Variants in SFMBT2 observed in about 807,000 individuals in gnomAD.
SFMBT2 encodes the protein Scm like with four mbt domains 2, also known as scm-like with four MBT domains protein 2.
SFMBT2 carries 38 observed loss-of-function variants against 110.1 expected under a neutral mutation model. The observed-to-expected ratio is 0.35, with a 90% CI of 0.27 to 0.45. The LOEUF (loss-of-function observed/expected upper bound fraction) is 0.45. Ranked by LOEUF, SFMBT2 falls within the 20% of genes least tolerant of loss-of-function variation. SFMBT2 has a pLI of 1.00. For synonymous variants in SFMBT2, 425 were observed against 425.4 expected (o/e 1.00, Z 0.01); for missense variants, 1,011 against 1,094.9 (o/e 0.92, Z 1.08).
chr10:7,321,383 A>G (rs1843183847), intron 4 of SFMBT2, among the ~76,000 whole-genome samples: 1 of 151,998 alleles, frequency 6.6e-6, no homozygotes, highest in Non-Finnish European at 1.5e-5. Flanking sequence ...TTGTGTTCTT[A>G]GTAGAGATGG....
At chr10:7,382,033 A>G in intron 1 of SFMBT2, 84 bp from the exon 2 acceptor site, 1 of 678,648 alleles carries the variant, frequency 1.5e-6, no homozygotes, top group Admixed American at 3.4e-5. Flanking sequence ...TTTAAAAAAA[A>G]CCTTATTAGT....
At chr10:7,269,825 CTCTT>C (rs1554796128) in intron 7 of SFMBT2, among the ~76,000 whole-genome samples, 3 of 82,440 alleles carry the variant, frequency 3.6e-5, no homozygotes, top group Non-Finnish European at 5.2e-5. Flanking sequence ...GAGAAGATTT[CTCTT>C]TTTTTTTTTT....
chr10:7,295,425 G>A (rs377407138), intron 4 of SFMBT2: 1 of 152,170 alleles, frequency 6.6e-6, no homozygotes, highest in East Asian at 1.9e-4. Flanking sequence ...GGCCACAGAC[G>A]AACTTGTGTC....
intron 4 of SFMBT2, among the ~76,000 whole-genome samples, chr10:7,343,352 C>A (rs935493031): frequency 6.6e-6 from 1 of 152,092 alleles, no homozygotes; most frequent in South Asian, 2.1e-4. Context: ...GTGGTGAACA[C>A]ACACGTGCAT....
At chr10:7,368,936 A>G (rs1158210253) in intron 3 of SFMBT2, among the ~76,000 whole-genome samples, 2 of 152,256 alleles carry the variant, frequency 1.3e-5, no homozygotes, top group African/African-American at 2.4e-5. Flanking sequence ...AAATGGAAAC[A>G]TGATCTACCT....
intron 4 of SFMBT2, among the ~76,000 whole-genome samples, chr10:7,336,367 C>G (rs1843717506): frequency 6.6e-6 from 1 of 152,200 alleles, no homozygotes; most frequent in African/African-American, 2.4e-5. Context: ...ACTCATGGGT[C>G]TTCATGGCAG....
At chr10:7,314,448 C>G (rs1408316947) in intron 4 of SFMBT2, among the ~76,000 whole-genome samples, 1 of 152,148 alleles carries the variant, frequency 6.6e-6, no homozygotes, top group Non-Finnish European at 1.5e-5. Context: ...CAAGAGATAC[C>G]CGGAAGAATG....
chr10:7,330,762 G>A (rs1320382763), intron 4 of SFMBT2, among the ~76,000 whole-genome samples: 3 of 152,040 alleles, frequency 2.0e-5, no homozygotes, highest in African/African-American at 7.2e-5. Flanking sequence ...GTCAGATGTG[G>A]TTCTTTAATT....
chr10:7,194,855 A>G (rs777334612), intron 15 of SFMBT2, among the ~76,000 whole-genome samples: 9 of 152,182 alleles, frequency 5.9e-5, no homozygotes, highest in African/African-American at 1.4e-4. Flanking sequence ...AGAATTGATC[A>G]GGGATAACCA....
At chr10:7,249,508 T>C in intron 7 of SFMBT2, 1 of 984,948 alleles carries the variant, frequency 1.0e-6, no homozygotes, top group African/African-American at 1.7e-5. Context: ...CCTGAGGAAA[T>C]AATACCTGCA....
chr10:7,336,749 T>A (rs893516076), intron 4 of SFMBT2, among the ~76,000 whole-genome samples: 1 of 152,052 alleles, frequency 6.6e-6, no homozygotes, highest in Non-Finnish European at 1.5e-5. Flanking sequence ...AGTAATCAAA[T>A]GAAAAATGTA....
At chr10:7,348,834 G>A (rs2132004418) in intron 4 of SFMBT2, among the ~76,000 whole-genome samples, 1 of 152,300 alleles carries the variant, frequency 6.6e-6, no homozygotes, top group African/African-American at 2.4e-5. Context: ...GCACATTTCA[G>A]TTTCCGTGAA....
chr10:7,302,443 G>C (rs1842578324), intron 4 of SFMBT2, among the ~76,000 whole-genome samples: 1 of 152,222 alleles, frequency 6.6e-6, no homozygotes, highest in African/African-American at 2.4e-5. Context: ...CTGAGGAGCA[G>C]AGTGGGAGCT....
chr10:7,378,545 T>G lies in SFMBT2; in HGVS notation c.100+3254A>C, dbSNP rs199866496. Among the ~76,000 whole-genome samples, 85 of 56,024 alleles carry G rather than the reference T, an allele frequency of 1.5e-3. 1 individual carries two copies. Among genetic ancestry groups the G allele is most frequent in the South Asian group, 2.0e-3 (3 of 1,502 alleles). 36.8% of individuals were successfully genotyped at this position (56,024 alleles called of 152,430 possible). A position where few individuals can be genotyped will look rare whatever the true frequency, so the allele number is the denominator to read the frequency against. ...AGATGGGTATGAGTGTGTGGGGGGG[T>G]GTATGTATAGATGGGTGGATGGATG... is the stretch of plus-strand genomic sequence containing the variant. On this transcript the variant is annotated intron_variant, in intron 2 of 20. Transcript: ENST00000397167.
chr10:7,321,874 T>A (rs954349078), intron 4 of SFMBT2, among the ~76,000 whole-genome samples: 19 of 152,246 alleles, frequency 1.2e-4, no homozygotes, highest in South Asian at 6.2e-4. Context: ...CAAACTGAAA[T>A]CATAATAATT....
intron 8 of SFMBT2, chr10:7,246,013 G>A (rs534155917): frequency 3.3e-5 from 6 of 181,660 alleles, no homozygotes; most frequent in African/African-American, 1.4e-4. Context: ...TATCTTCTAC[G>A]CTAAGAGTAT....
chr10:7,334,011 C>T (rs780195904), intron 4 of SFMBT2, among the ~76,000 whole-genome samples: 4 of 152,138 alleles, frequency 2.6e-5, no homozygotes, highest in Admixed American at 1.3e-4. Flanking sequence ...ATATTTCAAA[C>T]GTATTTTGTG....
chr10:7,238,494 C>A (rs1357925651), intron 9 of SFMBT2, among the ~76,000 whole-genome samples: 2 of 152,144 alleles, frequency 1.3e-5, no homozygotes, highest in African/African-American at 4.8e-5. Flanking sequence ...ACGTGAGTGA[C>A]AAAATGGATT....
chr10:7,357,341 G>A (rs1844553377), intron 4 of SFMBT2, among the ~76,000 whole-genome samples: 1 of 152,184 alleles, frequency 6.6e-6, no homozygotes, highest in African/African-American at 2.4e-5. Flanking sequence ...ATTTAAATAA[G>A]TACACACTGA....
Sources: gnomAD v4.1 joint callset for allele counts (sites outside exome capture counted in the v4.1 genomes callset) on GRCh38, gnomAD v4.1.1 for gene constraint, MANE v1.5 for transcripts, NCBI Gene and HGNC (gene_info 2026-07-23, HGNC 2026-07-21) for gene names.